The following MSH5 variants were observed in gnomAD, a reference collection of about 807,000 sequenced individuals.
The protein encoded by MSH5 is mutS protein homolog 5.
In MSH5, 78 loss-of-function variants were observed where a neutral mutation model predicts 107.7. The observed-to-expected ratio is 0.72, with a 90% CI of 0.60 to 0.87. MSH5 has a LOEUF of 0.87. MSH5 is among the 40% of genes least tolerant of loss of function. MSH5 has a pLI of 0.00. For missense variants in MSH5, 889 were observed against 1,046.6 expected (o/e 0.85, Z 2.08); for synonymous variants, 326 against 399.5 (o/e 0.82, Z 2.19).
At position 31,753,293 on chromosome 6, in the gene MSH5, A is replaced by G. The variant is rs745534727; in HGVS notation, c.813-8A>G. On this transcript the variant is annotated splice_region_variant and splice_polypyrimidine_tract_variant and intron_variant, in intron 10 of 24. Transcript: ENST00000375750. ...TTGTAGTACCCCCACCCAAACCCTC[A>G]CTTCCAGGCTATGGTTCACACGTCC... 1.9e-6 allele frequency: 3 copies of G among 1,590,146 alleles called. No homozygotes were observed. Among genetic ancestry groups the G allele is most frequent in the Non-Finnish European group, 2.6e-6 (3 of 1,161,894 alleles).
At position 31,761,054 on chromosome 6, in the gene MSH5, C is replaced by T. The variant is rs1017648727; in HGVS notation, c.1963-134C>T. Reference sequence around the variant, plus strand: ...CTGTTGGCAAAGAGGATGAACAAAGCGTGCACCTCACCATTCAAGAACTTG... The same window carrying T: ...CTGTTGGCAAAGAGGATGAACAAAGTGTGCACCTCACCATTCAAGAACTTG... On this transcript the variant is annotated intron_variant, in intron 20 of 24. Transcript: ENST00000375750. The surrounding 1 kb of genome is among the most constrained non-coding windows in gnomAD (Gnocchi z 5.3). The T allele has an allele frequency of 2.7e-5, 27 of 1,009,036 alleles. No individual in the cohort carries two copies. Among genetic ancestry groups the T allele is most frequent in the Non-Finnish European group, 3.2e-5 (22 of 679,710 alleles). The allele number at this position is 1,009,036 out of a possible 1,614,324, so 62.5% of individuals were successfully genotyped here. A position where few individuals can be genotyped will look rare whatever the true frequency, so the allele number is the denominator to read the frequency against.
At position 31,741,192 on chromosome 6, in the gene MSH5, A is replaced by G; in HGVS notation, c.177A>G (p.Gly59=). 4 of 1,612,894 alleles carry G rather than the reference A, an allele frequency of 2.5e-6. No homozygotes were observed. The highest frequency in any genetic ancestry group is 3.4e-6 in the Non-Finnish European group (4 of 1,180,012). ...EIHLCVLWNS[G]YLGIAYYDTS... is the part of the protein sequence containing the mutation. Reference sequence around the variant, plus strand: ...ATCTGTGTGTGCTGTGGAATTCAGGATACTTGGGCATTGCCTACTATGATA... The same window carrying G: ...ATCTGTGTGTGCTGTGGAATTCAGGGTACTTGGGCATTGCCTACTATGATA... The change falls in exon 3 of 25, where the codon GGA becomes GGG. Residue 59 remains glycine (G), a synonymous_variant. Coordinates refer to ENST00000375750, the MANE Select transcript of MSH5 (RefSeq NM_172166.4).
In MSH5 at chr6:31,742,927, G is replaced by A. The variant is rs756277944; in HGVS notation, c.322G>A (p.Glu108Lys). Residue 108 changes from glutamate (E) to lysine (K), a missense_variant, in exon 4 of 25, where the codon GAG becomes AAG. Transcript: ENST00000375750. Reference sequence around the variant, plus strand: ...TGTTGTTACGAGTGCCAAACAGGATGAGAATATGACTCGATTTCTGGGAAA... The same window carrying A: ...TGTTGTTACGAGTGCCAAACAGGATAAGAATATGACTCGATTTCTGGGAAA... ...QSVVTSAKQD[E>K]NMTRFLGKLA... is the part of the protein sequence containing the mutation. 6.2e-7 allele frequency: 1 copy of A among 1,612,946 alleles called. No homozygotes were observed. The highest frequency in any genetic ancestry group is 1.3e-5 in the African/African-American group (1 of 74,926).
Position 31,759,950 on chromosome 6 carries a change from C to T in MSH5, c.1660C>T (p.Leu554Phe). 1 of 1,614,188 alleles carries T rather than the reference C, an allele frequency of 6.2e-7. No homozygotes were observed. The highest frequency in any genetic ancestry group is 8.5e-7 in the Non-Finnish European group (1 of 1,180,026). Residue 554 changes from leucine to phenylalanine, a missense_variant, in exon 18 of 25, where the codon CTT (leucine) becomes TTT (phenylalanine). This residue lies in a region of MSH5 where 362 missense variants were observed against 456.2 expected (regional missense o/e 0.79). Coordinates refer to ENST00000375750, the MANE Select transcript of MSH5 (RefSeq NM_172166.4). This position sits in a 1 kb window ranked among gnomAD's most constrained non-coding sequence, Gnocchi z 4.7. ...YSRPRYSPQV[L>F]GVRIQNGRHP... Reference sequence around the variant, plus strand: ...AAGGCCGCGTTACTCCCCACAAGTCCTTGGGGTACGAATCCAGAATGGCAG... The same window carrying T: ...AAGGCCGCGTTACTCCCCACAAGTCTTTGGGGTACGAATCCAGAATGGCAG...
At chr6:31,747,625 T>C (rs1039319757) in intron 10 of MSH5, among the ~76,000 whole-genome samples, 193 bp downstream of exon 10, 1 of 152,204 alleles carries the variant, frequency 6.6e-6, no homozygotes, top group East Asian at 1.9e-4. Context: ...GTAGCTGATA[T>C]GCATCTCATT....
intron 3 of MSH5, 37 bp downstream of exon 3, chr6:31,741,323 A>AT: frequency 7.5e-7 from 1 of 1,338,840 alleles, no homozygotes; most frequent in East Asian, 2.8e-5. Context: ...GCTCTCTGGG[A>AT]TTGCAGATGT....
At chr6:31,754,837 C>T (rs557091627) in intron 12 of MSH5, among the ~76,000 whole-genome samples, 28 of 150,676 alleles carry the variant, frequency 1.9e-4, no homozygotes, top group Non-Finnish European at 4.0e-4. Context: ...CTGCAACCTC[C>T]GCCTCCCAGG....
Position 31,759,168 on chromosome 6 carries a change from G to T in MSH5, c.1398G>T (p.Leu466=). 6.2e-7 allele frequency: 1 copy of T among 1,612,818 alleles called. No homozygotes were observed. The highest frequency in any genetic ancestry group is 1.1e-5 in the South Asian group (1 of 91,082). Residue 466 remains leucine, a synonymous_variant, in exon 16 of 25, where the codon CTG becomes CTT. Transcript: ENST00000375750. The surrounding 1 kb of genome is among the most constrained non-coding windows in gnomAD (Gnocchi z 4.7). ...VEASDFEING[L]DFMFLSEEKL... is the part of the protein sequence containing the mutation. ...CCAGTGACTTTGAGATTAATGGACT[G>T]GACTTCATGGTAAGACCCTCAACCT... is the stretch of plus-strand genomic sequence containing the variant.
Position 31,740,745 on chromosome 6 carries a change from G to A in MSH5, c.147+132G>A. 1 of 1,049,692 alleles carries A rather than the reference G, an allele frequency of 9.5e-7. No individual in the cohort carries two copies. The highest frequency in any genetic ancestry group is 2.0e-5 in the South Asian group (1 of 50,088). 65.0% of individuals were successfully genotyped at this position (1,049,692 alleles called of 1,614,324 possible). A position where few individuals can be genotyped will look rare whatever the true frequency, so the allele number is the denominator to read the frequency against. On this transcript the variant is annotated intron_variant, in intron 2 of 24. Transcript: ENST00000375750. This position sits in a 1 kb window ranked among gnomAD's most constrained non-coding sequence, Gnocchi z 4.4. ...GGAGACTGAGGCGGGCGGATCACCT[G>A]AGCTCAGGAGTTGGAGACCAGCCTG...
chr6:31,747,071 G>A (rs891993735), intron 9 of MSH5, among the ~76,000 whole-genome samples: 1 of 152,122 alleles, frequency 6.6e-6, no homozygotes, highest in Non-Finnish European at 1.5e-5. Context: ...CGTCTGCCTC[G>A]GCCTCCCAGA....
At chr6:31,757,369 C>A (rs945688846) in intron 12 of MSH5, 3 of 152,190 alleles carry the variant, frequency 2.0e-5, no homozygotes, top group Admixed American at 2.0e-4. Context: ...TGGTCTCAAT[C>A]TCCTGACCTC....
intron 9 of MSH5, among the ~76,000 whole-genome samples, chr6:31,746,488 G>A (rs1321719738): frequency 2.6e-5 from 4 of 151,956 alleles, no homozygotes; most frequent in Non-Finnish European, 2.9e-5. Context: ...ACCCAGGCTG[G>A]AGTGCAGTGG....
At chr6:31,749,906 C>T (rs1237208393) in intron 10 of MSH5, among the ~76,000 whole-genome samples, 3 of 152,308 alleles carry the variant, frequency 2.0e-5, no homozygotes, top group Middle Eastern at 3.4e-3. Flanking sequence ...CCTCACCTCC[C>T]GCTGCAATAT....
At position 31,744,012 on chromosome 6, in the gene MSH5, A is replaced by G. The variant is rs375782879; in HGVS notation, c.524A>G (p.Asp175Gly). The G allele has an allele frequency of 1.2e-5, 19 of 1,613,964 alleles. No individual in the cohort carries two copies. Among genetic ancestry groups the G allele is most frequent in the Admixed American group, 6.7e-5 (4 of 59,996 alleles). ...TTCCTCTCTTCCATTATTCCCTTTG[A>G]CTGCCTCCTCACAGTGAGATTGGTC... ...ILFLSSIIPF[D>G]CLLTVRALGG... Residue 175 changes from aspartate to glycine, a missense_variant, in exon 6 of 25, where the codon GAC (aspartate) becomes GGC (glycine). Asp to Gly is a moderately conservative substitution (Grantham distance 94, BLOSUM62 -1). Around this residue, in one of 3 missense-constraint regions of MSH5, gnomAD observed 518 missense variants for 565.0 expected, o/e 0.92. Transcript: ENST00000375750.
At chr6:31,747,284 A>G in intron 9 of MSH5, 103 bp from the exon 10 acceptor site, 1 of 1,279,278 alleles carries the variant, frequency 7.8e-7, no homozygotes, top group Non-Finnish European at 1.1e-6. Context: ...CTTCCTCAAC[A>G]ACCAGCACCT....
intron 10 of MSH5, among the ~76,000 whole-genome samples, chr6:31,747,792 G>T (rs553624342): frequency 1.7e-4 from 26 of 152,268 alleles, no homozygotes; most frequent in African/African-American, 5.5e-4. Flanking sequence ...AATCACTTGA[G>T]GTCAGGAGTT....
In MSH5 at chr6:31,741,273, G is replaced by C. The variant is rs1427241995; in HGVS notation, c.258G>C (p.Lys86Asn). 3 of 1,605,218 alleles carry C rather than the reference G, an allele frequency of 1.9e-6. No individual in the cohort carries two copies. The change falls in exon 3 of 25, where the codon AAG becomes AAC. Residue 86 changes from lysine to asparagine, a missense_variant. Coordinates refer to ENST00000375750, the MANE Select transcript of MSH5 (RefSeq NM_172166.4). ...MPDAPDHESLKLLQRVLDEIN... is the reference protein window; with the variant it reads ...MPDAPDHESLNLLQRVLDEIN... ...ATGCCCCAGACCACGAGAGCCTCAA[G>C]CTTCTCCAGAGAGGTGGGGATGGAA...
Position 31,759,592 on chromosome 6 carries a change from C to A in MSH5, c.1495+80C>A. 1 of 1,470,552 alleles carries A rather than the reference C, an allele frequency of 6.8e-7. No homozygotes were observed. The highest frequency in any genetic ancestry group is 1.2e-5 in the South Asian group (1 of 86,124). The allele number at this position is 1,470,552 out of a possible 1,614,324, so 91.1% of individuals were successfully genotyped here. On this transcript the variant is annotated intron_variant, in intron 17 of 24. Transcript: ENST00000375750. This position sits in a 1 kb window ranked among gnomAD's most constrained non-coding sequence, Gnocchi z 4.7. ...CCAGGGGAAGGAGGGGAGTGGGCAA[C>A]TTGGGGATGCTTCCAACAGGCCCCT...
intron 10 of MSH5, among the ~76,000 whole-genome samples, chr6:31,750,163 AATC>A (rs757145718): frequency 2.0e-5 from 3 of 152,244 alleles, no homozygotes; most frequent in South Asian, 2.1e-4. Context: ...TAACTTGAAG[AATC>A]ATCATATAAT....
Sources: allele counts gnomAD v4.1 joint callset (sites outside exome capture counted in the v4.1 genomes callset), GRCh38; gene constraint gnomAD v4.1.1; regional missense constraint gnomAD v4.1.1; non-coding constraint Gnocchi (gnomAD v3.1); transcripts MANE v1.5; gene names NCBI Gene and HGNC (gene_info 2026-07-23, HGNC 2026-07-21).